SND1: variants seen among roughly 807,000 people sequenced by gnomAD.
SND1 encodes the protein staphylococcal nuclease domain-containing protein 1.
SND1 carries 38 observed loss-of-function variants against 121.7 expected under a neutral mutation model. The ratio of observed to expected loss-of-function variants is 0.31; its 90% CI spans 0.24 to 0.41. SND1 has a LOEUF of 0.41. Among genes scored for constraint, SND1 ranks in the 10% least tolerant of loss-of-function variants. SND1 has a pLI of 1.00. For synonymous variants in SND1, 401 were observed against 447.4 expected (o/e 0.90, Z 1.31); for missense variants, 868 against 1,184.6 (o/e 0.73, Z 3.92).
chr7:127,696,489 A>C (rs746512580), intron 3 of SND1, among the ~76,000 whole-genome samples: 2 of 152,256 alleles, frequency 1.3e-5, no homozygotes, highest in Non-Finnish European at 2.9e-5. Flanking sequence ...GTTACTGGTT[A>C]GAAAGAATGT....
chr7:128,021,956 C>T (rs559931621), intron 16 of SND1, among the ~76,000 whole-genome samples: 11 of 152,206 alleles, frequency 7.2e-5, no homozygotes, highest in African/African-American at 2.4e-4. Context: ...GTAATCCCAG[C>T]ACTTTGTGAG....
intron 16 of SND1, among the ~76,000 whole-genome samples, chr7:127,996,865 G>A (rs1296352731): frequency 6.6e-6 from 1 of 152,132 alleles, no homozygotes; most frequent in Non-Finnish European, 1.5e-5. Context: ...TGGGGGCTAA[G>A]GCCTTTATCA....
chr7:127,804,848 G>T (rs1190682175), intron 10 of SND1, among the ~76,000 whole-genome samples: 1 of 151,954 alleles, frequency 6.6e-6, no homozygotes, highest in Non-Finnish European at 1.5e-5. Context: ...TTTTCAAAAT[G>T]TTCACTTAGT....
chr7:127,841,240 GCA>G, intron 11 of SND1, among the ~76,000 whole-genome samples: 1 of 152,178 alleles, frequency 6.6e-6, no homozygotes, highest in Non-Finnish European at 1.5e-5. Context: ...GCATTGGGAG[GCA>G]CAAGGTAACC....
Position 128,085,621 on chromosome 7 carries a change from T to C in SND1, c.2235-90T>C, listed in dbSNP as rs533979270. The C allele has an allele frequency of 6.5e-5, 74 of 1,135,376 alleles. No individual in the cohort carries two copies. In the East Asian group the frequency reaches 1.5e-3, roughly 23 times the overall value. 70.3% of individuals were successfully genotyped at this position (1,135,376 alleles called of 1,614,324 possible). ...CACCCGTTGAACCCAGGCAGGGAAA[T>C]GCTGTGCCCCTGCCCCGCCATTGCT... is the stretch of plus-strand genomic sequence containing the variant. On this transcript the variant is annotated intron_variant, in intron 19 of 23. Transcript: ENST00000354725. The surrounding 1 kb of genome is among the most constrained non-coding windows in gnomAD (Gnocchi z 4.4).
intron 10 of SND1, among the ~76,000 whole-genome samples, chr7:127,792,505 G>A (rs1797928793): frequency 6.6e-6 from 1 of 152,128 alleles, no homozygotes; most frequent in South Asian, 2.1e-4. Context: ...ATACTAACAA[G>A]GTGAAGAAAA....
chr7:127,809,011 A>G (rs1291976352), intron 11 of SND1, among the ~76,000 whole-genome samples: 1 of 152,176 alleles, frequency 6.6e-6, no homozygotes, highest in Non-Finnish European at 1.5e-5. Flanking sequence ...CACCTGGTTT[A>G]TTTGAATATT....
chr7:127,763,429 C>T (rs1260826293), intron 10 of SND1, among the ~76,000 whole-genome samples: 3 of 152,150 alleles, frequency 2.0e-5, no homozygotes, highest in Admixed American at 2.0e-4. Context: ...TCATTGCAGC[C>T]TTGATGTTCT....
At chr7:127,877,006 C>T (rs1799703645) in intron 12 of SND1, among the ~76,000 whole-genome samples, 1 of 151,764 alleles carries the variant, frequency 6.6e-6, no homozygotes, top group Admixed American at 6.6e-5. Flanking sequence ...TTTAATATGC[C>T]CTGCATACTT....
At chr7:127,745,356 C>T (rs572927935) in intron 10 of SND1, among the ~76,000 whole-genome samples, 138 of 152,240 alleles carry the variant, frequency 9.1e-4, no homozygotes, top group Admixed American at 4.8e-3. Context: ...ATGGGACCAC[C>T]GTTGTATAAG....
intron 15 of SND1, among the ~76,000 whole-genome samples, chr7:127,929,687 G>A (rs1242515247): frequency 6.6e-6 from 1 of 152,174 alleles, no homozygotes; most frequent in East Asian, 1.9e-4. Flanking sequence ...CCCATGCTAT[G>A]TTAGTTGTGG....
intron 20 of SND1, among the ~76,000 whole-genome samples, chr7:128,086,185 A>C (rs1793684961): frequency 6.6e-6 from 1 of 152,188 alleles, no homozygotes; most frequent in Non-Finnish European, 1.5e-5. Context: ...GTTTGCTGGG[A>C]AGGGACAGTC....
intron 10 of SND1, among the ~76,000 whole-genome samples, chr7:127,757,071 A>G (rs1355947362): frequency 6.6e-6 from 1 of 152,214 alleles, no homozygotes; most frequent in Non-Finnish European, 1.5e-5. Flanking sequence ...AATTTTTAGT[A>G]TCCCAAAAAT....
chr7:127,790,023 ATTGT>A (rs923372396), intron 10 of SND1, among the ~76,000 whole-genome samples: 5 of 152,156 alleles, frequency 3.3e-5, no homozygotes, highest in East Asian at 3.9e-4. Flanking sequence ...GTGGTTCTGA[ATTGT>A]TTGTTTGTTT....
chr7:127,866,740 A>G (rs1799486153), intron 12 of SND1, among the ~76,000 whole-genome samples: 1 of 152,164 alleles, frequency 6.6e-6, no homozygotes, highest in South Asian at 2.1e-4. Flanking sequence ...TTGTCCACCA[A>G]GCCCCCCTAC....
intron 16 of SND1, among the ~76,000 whole-genome samples, chr7:128,058,723 C>T (rs560469441): frequency 2.0e-5 from 3 of 152,298 alleles, no homozygotes; most frequent in South Asian, 4.2e-4. Flanking sequence ...TCTAGTTCAG[C>T]GTGGTCCATT....
intron 15 of SND1, among the ~76,000 whole-genome samples, chr7:127,934,897 G>A (rs1299175791): frequency 6.6e-6 from 1 of 152,146 alleles, no homozygotes; most frequent in Non-Finnish European, 1.5e-5. Flanking sequence ...ACACCAACCT[G>A]CATGGAGCGG....
intron 13 of SND1, among the ~76,000 whole-genome samples, chr7:127,893,228 A>G (rs2116741391): frequency 6.6e-6 from 1 of 152,246 alleles, no homozygotes; most frequent in African/African-American, 2.4e-5. Context: ...CAGAATGTGA[A>G]TTTCGTCATC....
Position 127,777,392 on chromosome 7 carries a change from G to A in SND1, c.1153-30092G>A, listed in dbSNP as rs73457834. Among the ~76,000 whole-genome samples the A allele has an allele frequency of 1.8e-3, 270 of 152,344 alleles. 1 individual carries two copies. Among genetic ancestry groups the A allele is most frequent in the African/African-American group, 5.7e-3 (236 of 41,578 alleles). On this transcript the variant is annotated intron_variant, in intron 10 of 23. Coordinates refer to ENST00000354725, the MANE Select transcript of SND1 (RefSeq NM_014390.4). ...AAACTCAGAAAGAGTTGATAAAGTT[G>A]TTAGACATTAGGGAGGATTTGGTAG...
Sources: gnomAD v4.1 joint callset for allele counts (sites outside exome capture counted in the v4.1 genomes callset) on GRCh38, gnomAD v4.1.1 for gene constraint, Gnocchi (gnomAD v3.1) non-coding constraint, MANE v1.5 for transcripts, NCBI Gene and HGNC (gene_info 2026-07-23, HGNC 2026-07-21) for gene names.